Variants in LRP1B observed in about 807,000 individuals in gnomAD.
LRP1B encodes the protein low-density lipoprotein receptor-related protein 1B.
Under a neutral mutation model 556.6 loss-of-function variants are expected in LRP1B, and 217 were observed. The ratio of observed to expected loss-of-function variants is 0.39; its 90% CI spans 0.35 to 0.44. The LOEUF (loss-of-function observed/expected upper bound fraction) is 0.44, where lower values mean the gene tolerates loss of function less well. Among genes scored for constraint, LRP1B ranks in the 20% least tolerant of loss-of-function variants. LRP1B has a pLI of 1.00. For synonymous variants in LRP1B, 2,047 were observed against 1,865.8 expected, an observed-to-expected ratio of 1.10 and a Z score of -2.50; for missense variants, 5,053 against 5,620.8, an observed-to-expected ratio of 0.90 and a Z score of 3.23.
chr2:141,096,679 A>AGAGTGAGAGAGAGAGAGAGAGG (rs1553459411), intron 7 of LRP1B, among the ~76,000 whole-genome samples: 1 of 88,452 alleles, frequency 1.1e-5, no homozygotes, highest in Non-Finnish European at 2.5e-5. Flanking sequence ...AGAGAGAGAG[A>AGAGTGAGAGAGAGAGAGAGAGG]GAGAGAGAGA....
intron 3 of LRP1B, among the ~76,000 whole-genome samples, chr2:141,414,204 T>C (rs1428158006): frequency 1.6e-5 from 2 of 128,148 alleles, no homozygotes; most frequent in African/African-American, 6.2e-5. Flanking sequence ...GCCACTGCAC[T>C]CCAGCCTGGG....
At chr2:140,328,486 AAG>A (rs1483334351) in intron 79 of LRP1B, among the ~76,000 whole-genome samples, 3,027 of 145,012 alleles carry the variant, frequency 0.021, 37 homozygotes, top group African/African-American at 0.028. Flanking sequence ...GAAAAAAAAA[AAG>A]AAAATGAAGA....
intron 1 of LRP1B, among the ~76,000 whole-genome samples, chr2:142,029,860 A>G (rs185217574): frequency 1.6e-3 from 250 of 151,618 alleles, no homozygotes; most frequent in African/African-American, 5.8e-3. Flanking sequence ...TCTCAAAACT[A>G]CCTGATGCAA....
chr2:142,022,440 A>T (rs1217334076), intron 1 of LRP1B, among the ~76,000 whole-genome samples: 1 of 151,968 alleles, frequency 6.6e-6, no homozygotes, highest in East Asian at 1.9e-4. Flanking sequence ...TAAGAGGTAC[A>T]TTGTTTATTG....
intron 3 of LRP1B, among the ~76,000 whole-genome samples, chr2:141,374,670 G>A (rs1401179617): frequency 6.6e-6 from 1 of 151,892 alleles, no homozygotes; most frequent in Non-Finnish European, 1.5e-5. Flanking sequence ...CATCATTGAA[G>A]CTTTCAAATG....
intron 1 of LRP1B, among the ~76,000 whole-genome samples, chr2:141,923,426 G>C (rs1700244786): frequency 1.2e-4 from 3 of 25,668 alleles, no homozygotes; most frequent in Non-Finnish European, 1.7e-4. Flanking sequence ...TATATATAGT[G>C]ACAAAGAGAT....
chr2:140,270,928 T>C (rs1682431476), intron 85 of LRP1B, among the ~76,000 whole-genome samples: 1 of 151,974 alleles, frequency 6.6e-6, no homozygotes, highest in Non-Finnish European at 1.5e-5. Context: ...AAAAAAATCA[T>C]GGAGTAGTTC....
At position 140,872,360 on chromosome 2, in the gene LRP1B, ATTTTTTTTT is replaced by A. The variant is rs59469282; in HGVS notation, c.4170-4106_4170-4098del. Among the ~76,000 whole-genome samples the A allele has an allele frequency of 1.3e-4, 8 of 60,488 alleles. 1 individual carries two copies. Among genetic ancestry groups the A allele is most frequent in the East Asian group, 9.8e-4 (2 of 2,038 alleles). 39.7% of individuals were successfully genotyped at this position (60,488 alleles called of 152,430 possible). A position where few individuals can be genotyped will look rare whatever the true frequency, so the allele number is the denominator to read the frequency against. ...GCTTGCTTTTGTATTGTGTCACCTG[ATTTTTTTTT>A]TTTTTTTTTTTTTTTTTTTACTAAA... On this transcript the variant is annotated intron_variant, in intron 25 of 90. Coordinates refer to ENST00000389484, the MANE Select transcript of LRP1B (RefSeq NM_018557.3).
intron 41 of LRP1B, among the ~76,000 whole-genome samples, chr2:140,606,564 A>G (rs1405343878): frequency 6.6e-6 from 1 of 152,064 alleles, no homozygotes; most frequent in African/African-American, 2.4e-5. Flanking sequence ...AAGAATCTTA[A>G]ATGAAAAAAA....
At chr2:141,417,476 C>G (rs1457157765) in intron 3 of LRP1B, among the ~76,000 whole-genome samples, 2 of 152,134 alleles carry the variant, frequency 1.3e-5, no homozygotes, top group Non-Finnish European at 2.9e-5. Flanking sequence ...TAGAATCATG[C>G]AAAAATTTTT....
At chr2:140,587,930 G>A (rs957093020) in intron 43 of LRP1B, among the ~76,000 whole-genome samples, 3 of 151,984 alleles carry the variant, frequency 2.0e-5, no homozygotes, top group African/African-American at 7.3e-5. Context: ...GAAAGAAGTG[G>A]CCCAATATTT....
At chr2:140,612,191 G>A (rs1008368552) in intron 41 of LRP1B, among the ~76,000 whole-genome samples, 13 of 152,014 alleles carry the variant, frequency 8.6e-5, no homozygotes, top group Non-Finnish European at 4.4e-5. Context: ...TTAATCAAGT[G>A]AAATATTAGG....
intron 1 of LRP1B, among the ~76,000 whole-genome samples, chr2:142,042,721 C>A (rs1443724503): frequency 6.6e-6 from 1 of 151,518 alleles, no homozygotes. Flanking sequence ...GTTGGTCTAA[C>A]CACCTGAATT....
At position 141,480,468 on chromosome 2, in the gene LRP1B, C is replaced by A. The variant is rs746883837; in HGVS notation, c.271G>T (p.Val91Phe). Residue 91 changes from valine to phenylalanine, a missense_variant, in exon 3 of 91, where the codon GTT (valine) becomes TTT (phenylalanine). By Grantham distance (50) the Val-to-Phe change is conservative. This residue lies in a region of LRP1B where 3,619 missense variants were observed against 3,931.9 expected (regional missense o/e 0.92). Transcript: ENST00000389484. ...HIACLGTNKCVHLSQLCNGVL... is the reference protein window; with the variant it reads ...HIACLGTNKCFHLSQLCNGVL... ...CCATTGCACAGCTGGGATAAATGAA[C>A]ACATTTGTTGGTACCAAGGCAAGCA... 6.2e-7 allele frequency: 1 copy of A among 1,613,984 alleles called. No individual in the cohort carries two copies. The highest frequency in any genetic ancestry group is 8.5e-7 in the Non-Finnish European group (1 of 1,179,924).
At chr2:140,593,146 T>C (rs182170250) in intron 43 of LRP1B, among the ~76,000 whole-genome samples, 14 of 152,188 alleles carry the variant, frequency 9.2e-5, no homozygotes, top group Non-Finnish European at 1.5e-4. Flanking sequence ...GTCATAAAAA[T>C]CCTTTTCATT....
chr2:141,788,649 A>G (rs1695502765), intron 2 of LRP1B, among the ~76,000 whole-genome samples: 2 of 151,908 alleles, frequency 1.3e-5, no homozygotes, highest in Admixed American at 6.6e-5. Flanking sequence ...ATCATTTAAC[A>G]TTTGGTATAT....
chr2:140,937,069 C>T (rs1573899659), intron 20 of LRP1B, among the ~76,000 whole-genome samples: 2 of 151,968 alleles, frequency 1.3e-5, no homozygotes, highest in East Asian at 3.9e-4. Context: ...AATGTAATCC[C>T]ATGATAACCA....
intron 1 of LRP1B, among the ~76,000 whole-genome samples, chr2:141,861,096 C>A (rs2105787297): frequency 6.6e-6 from 1 of 152,270 alleles, no homozygotes; most frequent in South Asian, 2.1e-4. Context: ...TTTTAAAGTT[C>A]TAGAGTAGTA....
intron 3 of LRP1B, among the ~76,000 whole-genome samples, chr2:141,391,008 A>G (rs1485283512): frequency 6.6e-6 from 1 of 152,234 alleles, no homozygotes; most frequent in African/African-American, 2.4e-5. Flanking sequence ...TCAGAAGGAG[A>G]AATCCTTAAG....
Sources: gnomAD v4.1 joint callset for allele counts (sites outside exome capture counted in the v4.1 genomes callset) on GRCh38, gnomAD v4.1.1 for gene constraint, gnomAD v4.1.1 regional missense constraint, MANE v1.5 for transcripts, NCBI Gene and HGNC (gene_info 2026-07-23, HGNC 2026-07-21) for gene names.